The following CRACD variants were observed in gnomAD, a reference collection of about 807,000 sequenced individuals.
CRACD encodes the protein capping protein inhibiting regulator of actin dynamics.
CRACD carries 56 observed loss-of-function variants against 106.8 expected under a neutral mutation model. The observed-to-expected ratio is 0.52, with a 90% CI of 0.42 to 0.66. The LOEUF is 0.66. CRACD is among the 30% of genes least tolerant of loss of function. The pLI is 0.00. For missense variants in CRACD, 1,730 were observed against 1,623.2 expected (o/e 1.07, Z -1.13); for synonymous variants, 754 against 670.8 (o/e 1.12, Z -1.92).
chr4:56,082,132 CTACTT>C (rs1426752149), intron 1 of CRACD, among the ~76,000 whole-genome samples: 1 of 152,144 alleles, frequency 6.6e-6, no homozygotes, highest in Non-Finnish European at 1.5e-5. Context: ...CCTCTAGAGA[CTACTT>C]TAGATTGTAA....
At chr4:56,232,598 A>G (rs1251950822) in intron 2 of CRACD, among the ~76,000 whole-genome samples, 2 of 152,174 alleles carry the variant, frequency 1.3e-5, no homozygotes, top group Non-Finnish European at 2.9e-5. Context: ...AGCAGTATAT[A>G]AGGTCCCCTT....
intron 2 of CRACD, among the ~76,000 whole-genome samples, chr4:56,218,801 A>G (rs947864325): frequency 2.0e-5 from 3 of 152,066 alleles, no homozygotes; most frequent in Non-Finnish European, 1.5e-5. Context: ...GACTGCAAAT[A>G]ATTTCAGTCC....
intron 1 of CRACD, among the ~76,000 whole-genome samples, chr4:56,066,074 A>T (rs1277131270): frequency 6.6e-6 from 1 of 152,048 alleles, no homozygotes; most frequent in African/African-American, 2.4e-5. Context: ...ATCACATTTT[A>T]TTTATCCATA....
chr4:56,247,414 T>G (rs1740745380), intron 2 of CRACD, among the ~76,000 whole-genome samples: 1 of 152,224 alleles, frequency 6.6e-6, no homozygotes. Flanking sequence ...AGTGGTTGAC[T>G]GGCAGCTGAT....
chr4:56,096,136 A>G (rs950523737), intron 1 of CRACD, among the ~76,000 whole-genome samples: 9 of 152,202 alleles, frequency 5.9e-5, no homozygotes, highest in Admixed American at 2.0e-4. Context: ...GTAGAGATGT[A>G]GAAAAGGCAG....
intron 2 of CRACD, among the ~76,000 whole-genome samples, chr4:56,260,860 T>G (rs1741653212): frequency 6.6e-6 from 1 of 151,584 alleles, no homozygotes; most frequent in Admixed American, 6.6e-5. Context: ...TGTCTGTCTT[T>G]CTGTCTATCT....
chr4:56,089,564 A>G (rs923099565), intron 1 of CRACD, among the ~76,000 whole-genome samples: 19 of 136,448 alleles, frequency 1.4e-4, no homozygotes, highest in Admixed American at 1.3e-3. Flanking sequence ...CCCAGGCTGG[A>G]GTGCAATGGC....
intron 1 of CRACD, among the ~76,000 whole-genome samples, chr4:56,176,639 G>A (rs537803019): frequency 2.6e-5 from 4 of 152,000 alleles, no homozygotes; most frequent in Non-Finnish European, 5.9e-5. Flanking sequence ...GTTTCACTGT[G>A]TTAGCCAGGA....
intron 1 of CRACD, among the ~76,000 whole-genome samples, chr4:56,155,036 C>T (rs557572048): frequency 7.5e-4 from 114 of 152,120 alleles, no homozygotes; most frequent in African/African-American, 2.6e-3. Flanking sequence ...GTCCAATCAT[C>T]ATCATCATCA....
At chr4:56,109,052 C>T (rs1022583977) in intron 1 of CRACD, among the ~76,000 whole-genome samples, 3 of 152,142 alleles carry the variant, frequency 2.0e-5, no homozygotes, top group African/African-American at 2.4e-5. Context: ...GACTCCCTTT[C>T]GTGGTCTGCT....
chr4:56,226,113 CATT>C (rs1739286421), intron 2 of CRACD, among the ~76,000 whole-genome samples: 1 of 132,210 alleles, frequency 7.6e-6, no homozygotes, highest in African/African-American at 3.1e-5. Flanking sequence ...ATCCACATAC[CATT>C]GGGTCACGTT....
chr4:56,061,664 A>T (rs565867677), intron 1 of CRACD, among the ~76,000 whole-genome samples: 147 of 152,310 alleles, frequency 9.7e-4, no homozygotes, highest in African/African-American at 3.4e-3. Context: ...CAAATTGTGT[A>T]TGTATACATA....
chr4:56,178,181 C>T (rs1410901689), intron 1 of CRACD, among the ~76,000 whole-genome samples: 1 of 152,128 alleles, frequency 6.6e-6, no homozygotes, highest in African/African-American at 2.4e-5. Flanking sequence ...AAAAATGTTT[C>T]ACAGTTCCTT....
chr4:56,254,896 AT>A (rs11289074), intron 2 of CRACD, among the ~76,000 whole-genome samples: 88,840 of 151,278 alleles, frequency 0.59, 26,597 homozygotes, highest in Middle Eastern at 0.75. Flanking sequence ...TGAGGTCAGG[AT>A]TTTTGAGACC....
chr4:56,242,787 A>G (rs1054249088), intron 2 of CRACD, among the ~76,000 whole-genome samples: 2 of 152,134 alleles, frequency 1.3e-5, no homozygotes, highest in Non-Finnish European at 2.9e-5. Context: ...TATCCCCTGG[A>G]AAAACAAAAC....
intron 1 of CRACD, among the ~76,000 whole-genome samples, chr4:56,078,041 A>G (rs1732902577): frequency 6.6e-6 from 1 of 152,248 alleles, no homozygotes; most frequent in African/African-American, 2.4e-5. Context: ...GTGATAAAAG[A>G]CTGAAAAGGA....
chr4:56,051,257 T>C (rs2109774431), intron 1 of CRACD, among the ~76,000 whole-genome samples: 1 of 152,278 alleles, frequency 6.6e-6, no homozygotes, highest in South Asian at 2.1e-4. Context: ...ATGGAATTTG[T>C]TTACTTTTTA....
intron 2 of CRACD, among the ~76,000 whole-genome samples, chr4:56,250,750 A>G (rs1324641144): frequency 6.6e-6 from 1 of 152,242 alleles, no homozygotes; most frequent in African/African-American, 2.4e-5. Context: ...GTGGAAAATA[A>G]TACCTCACAG....
rs1297277781 is a variant in CRACD, at chr4:56,263,739, A to T, written c.-188-8582A>T. On this transcript the variant is annotated intron_variant, in intron 2 of 10. Transcript: ENST00000682029. ...AATATTTAAAAAATATTTTTTAAAG[A>T]TCAATTCACACATGGGCTGGCACAA... is the stretch of plus-strand genomic sequence containing the variant. 4.6e-5 allele frequency among the ~76,000 whole-genome samples: 7 copies of T among 152,246 alleles called. No homozygotes were observed. In the East Asian group the frequency reaches 1.3e-3, roughly 29 times the overall value.
Sources: gnomAD v4.1 joint callset for allele counts (sites outside exome capture counted in the v4.1 genomes callset) on GRCh38, gnomAD v4.1.1 for gene constraint, MANE v1.5 for transcripts, NCBI Gene and HGNC (gene_info 2026-07-23, HGNC 2026-07-21) for gene names.